Variants in DLGAP2 observed in about 807,000 individuals in gnomAD.
DLGAP2 encodes the protein DLG associated protein 2.
In DLGAP2, 26 loss-of-function variants were observed where a neutral mutation model predicts 100.3. That is an observed-to-expected ratio of 0.26 (90% CI 0.19 to 0.36). The LOEUF is 0.36. Ranked by LOEUF, DLGAP2 falls within the 10% of genes least tolerant of loss-of-function variation. The pLI is 1.00. For missense variants in DLGAP2, 1,858 were observed against 1,453.2 expected, an observed-to-expected ratio of 1.28 and a Z score of -4.53; for synonymous variants, 886 against 630.1, an observed-to-expected ratio of 1.41 and a Z score of -6.08.
intron 6 of DLGAP2, among the ~76,000 whole-genome samples, chr8:1,607,783 G>T (rs1441079819): frequency 2.0e-5 from 3 of 152,066 alleles, no homozygotes; most frequent in Non-Finnish European, 4.4e-5. Context: ...GGTGACGGAC[G>T]CACCTGGAAA....
intron 5 of DLGAP2, among the ~76,000 whole-genome samples, chr8:1,553,105 G>A (rs532623793): frequency 4.6e-5 from 7 of 152,260 alleles, no homozygotes; most frequent in Admixed American, 2.0e-4. Context: ...GGCTCCTGGC[G>A]GCATCAGATG....
At chr8:916,073 C>G (rs981551879) in intron 2 of DLGAP2, among the ~76,000 whole-genome samples, 1 of 151,866 alleles carries the variant, frequency 6.6e-6, no homozygotes, top group African/African-American at 2.4e-5. Flanking sequence ...CGTCAGTTCA[C>G]CCGTCCGTCC....
At chr8:1,555,029 G>A (rs554071526) in intron 5 of DLGAP2, among the ~76,000 whole-genome samples, 2 of 152,280 alleles carry the variant, frequency 1.3e-5, no homozygotes, top group Admixed American at 6.5e-5. Context: ...TCTAATGCAC[G>A]TTTGCAATTT....
chr8:1,317,652 G>A (rs7386949), intron 3 of DLGAP2, among the ~76,000 whole-genome samples: 3 of 105,454 alleles, frequency 2.8e-5, no homozygotes, highest in Admixed American at 2.0e-4. Flanking sequence ...ACTCGGCAGC[G>A]TTTAAAAATA....
intron 12 of DLGAP2, among the ~76,000 whole-genome samples, chr8:1,686,442 C>G (rs186519509): frequency 1.4e-4 from 21 of 152,224 alleles, no homozygotes; most frequent in African/African-American, 4.1e-4. Flanking sequence ...ATAAGGCAGG[C>G]AGATCACCTG....
intron 14 of DLGAP2, among the ~76,000 whole-genome samples, chr8:1,700,848 G>A (rs1799545072): frequency 6.6e-6 from 1 of 152,220 alleles, no homozygotes; most frequent in South Asian, 2.1e-4. Context: ...AGGGCTTTGG[G>A]AAGCGCAGGA....
At chr8:797,698 C>T (rs570435677) in intron 1 of DLGAP2, among the ~76,000 whole-genome samples, 6 of 152,230 alleles carry the variant, frequency 3.9e-5, no homozygotes, top group East Asian at 1.9e-4. Context: ...CCTGGCTCTC[C>T]GGGTCCTCAT....
chr8:1,331,525 A>G (rs1265192165), intron 3 of DLGAP2, among the ~76,000 whole-genome samples: 1 of 152,154 alleles, frequency 6.6e-6, no homozygotes, highest in African/African-American at 2.4e-5. Context: ...GGATCTGGGC[A>G]GTGTTTGTAA....
At chr8:1,356,432 G>A (rs1231118257) in intron 3 of DLGAP2, among the ~76,000 whole-genome samples, 2 of 152,188 alleles carry the variant, frequency 1.3e-5, no homozygotes, top group Admixed American at 1.3e-4. Context: ...AGCGCTTTCA[G>A]GGGAAATGCC....
chr8:1,266,747 G>T (rs762113162), intron 3 of DLGAP2, among the ~76,000 whole-genome samples: 1 of 152,072 alleles, frequency 6.6e-6, no homozygotes, highest in Non-Finnish European at 1.5e-5. Flanking sequence ...TGCAGACCCA[G>T]TGTGTGTATA....
chr8:1,052,735 G>A (rs1415045911), intron 2 of DLGAP2, among the ~76,000 whole-genome samples: 1 of 152,132 alleles, frequency 6.6e-6, no homozygotes, highest in Non-Finnish European at 1.5e-5. Flanking sequence ...TACAGGGAGG[G>A]GTTTTCTAGG....
chr8:922,481 A>C (rs1014077504), intron 2 of DLGAP2, among the ~76,000 whole-genome samples: 1 of 152,232 alleles, frequency 6.6e-6, no homozygotes, highest in African/African-American at 2.4e-5. Flanking sequence ...CTAAAGGGGA[A>C]AGGTTTTTAA....
At chr8:1,131,908 T>C (rs1585090137) in intron 2 of DLGAP2, among the ~76,000 whole-genome samples, 1 of 152,212 alleles carries the variant, frequency 6.6e-6, no homozygotes, top group East Asian at 1.9e-4. Context: ...GATTGACAGA[T>C]ACCTTAATTA....
rs138882291 is a variant in DLGAP2 at position 839,220 on chromosome 8, G to T, written c.19-68692G>T. On this transcript the variant is annotated intron_variant, in intron 1 of 14. Transcript: ENST00000637795. ...AATAGAACTACCATGTGATCCAGCC[G>T]TCCCACTTCTTGGCACAAATCCAAA... is the stretch of plus-strand genomic sequence containing the variant. Among the ~76,000 whole-genome samples, 5 of 152,128 alleles carry T rather than the reference G, an allele frequency of 3.3e-5. No homozygotes were observed. In the East Asian group the frequency reaches 9.7e-4, roughly 29 times the overall value.
At chr8:799,491 C>T (rs1453849049) in intron 1 of DLGAP2, among the ~76,000 whole-genome samples, 1 of 152,178 alleles carries the variant, frequency 6.6e-6, no homozygotes, top group Non-Finnish European at 1.5e-5. Flanking sequence ...CAGCTTACTT[C>T]ATGTTTTGTT....
At chr8:1,650,340 T>C (rs1197162720) in intron 8 of DLGAP2, among the ~76,000 whole-genome samples, 1 of 152,246 alleles carries the variant, frequency 6.6e-6, no homozygotes, top group African/African-American at 2.4e-5. Context: ...TCCCTTCTTC[T>C]TATCAGTGTT....
chr8:1,676,656 C>G, intron 11 of DLGAP2, 38 bp downstream of exon 11: 1 of 1,577,986 alleles, frequency 6.3e-7, no homozygotes, highest in Non-Finnish European at 8.6e-7. Context: ...GACCCCCGAG[C>G]GAGGGCTCTT....
intron 2 of DLGAP2, among the ~76,000 whole-genome samples, chr8:921,541 G>A (rs1798714134): frequency 1.3e-5 from 2 of 152,250 alleles, no homozygotes; most frequent in South Asian, 4.1e-4. Flanking sequence ...GGAACGGGAG[G>A]AGACCTCCCT....
At chr8:925,782 C>A (rs1490020147) in intron 2 of DLGAP2, among the ~76,000 whole-genome samples, 1 of 152,134 alleles carries the variant, frequency 6.6e-6, no homozygotes. Flanking sequence ...TCTGCTCAGC[C>A]AGCTGAAGGC....
Sources: allele counts gnomAD v4.1 joint callset (sites outside exome capture counted in the v4.1 genomes callset), GRCh38; gene constraint gnomAD v4.1.1; transcripts MANE v1.5; gene names NCBI Gene and HGNC (gene_info 2026-07-23, HGNC 2026-07-21).